Variants in TEX51 observed in about 807,000 individuals in gnomAD.
The protein encoded by TEX51 is testis expressed 51.
Under a neutral mutation model 8.0 loss-of-function variants are expected in TEX51, and 14 were observed. The ratio of observed to expected loss-of-function variants is 1.76; its 90% CI spans 1.16 to 2.75. The LOEUF (loss-of-function observed/expected upper bound fraction) is 2.75. Ranked by LOEUF, TEX51 falls within the 30% of genes most tolerant of loss-of-function variation. The pLI is 0.00. For synonymous variants in TEX51, 58 were observed against 28.6 expected, an observed-to-expected ratio of 2.03 and a Z score of -3.29; for missense variants, 142 against 77.4, an observed-to-expected ratio of 1.83 and a Z score of -3.13.
Position 126,899,507 on chromosome 2 carries a change from C to A in TEX51, c.221-16C>A, listed in dbSNP as rs897254692. 35 of 698,240 alleles carry A rather than the reference C, an allele frequency of 5.0e-5. No individual in the cohort carries two copies. The highest frequency in any genetic ancestry group is 2.9e-5 in the Non-Finnish European group (11 of 382,900). 43.3% of individuals were successfully genotyped at this position (698,240 alleles called of 1,614,324 possible). ...AGTTGTAACCCTGAACACCCCTTCC[C>A]TCCTGCTCTACCCAGATAAAACAGT... On this transcript the variant is annotated splice_polypyrimidine_tract_variant and intron_variant, in intron 2 of 6. Coordinates refer to ENST00000568484, the MANE Select transcript of TEX51 (RefSeq NM_001322244.2).
Position 126,901,381 on chromosome 2 carries a change from C to A in TEX51, c.480C>A (p.Gly160=), listed in dbSNP as rs766988617. 49 of 702,166 alleles carry A rather than the reference C, an allele frequency of 7.0e-5. No homozygotes were observed. The South Asian group carries it at 7.1e-4, about 10-fold the overall frequency. The allele number at this position is 702,166 out of a possible 1,614,324, so 43.5% of individuals were successfully genotyped here. A position where few individuals can be genotyped will look rare whatever the true frequency, so the allele number is the denominator to read the frequency against. Residue 160 remains glycine (G), a synonymous_variant, in exon 6 of 7, where the codon GGC becomes GGA. Transcript: ENST00000568484. ...TTGGCCCAGATGTTTCTTTTACTGGCAAAGGAAGAAGGAGGCAGTAAAGGT... is the reference window on the plus strand; with the variant it reads ...TTGGCCCAGATGTTTCTTTTACTGGAAAAGGAAGAAGGAGGCAGTAAAGGT... ...LAIAGDVSFT[G]KGRRRQ
At position 126,901,973 on chromosome 2, in the gene TEX51, T is replaced by G; in HGVS notation, c.*104T>G. ...GGGTCCCGGTGACCCCATCCCCCCA[T>G]ACCCTCCATCCTGGGTCCTGGGGCC... is the stretch of plus-strand genomic sequence containing the variant. On this transcript the variant is annotated 3_prime_UTR_variant, in exon 7 of 7. Coordinates refer to ENST00000568484, the MANE Select transcript of TEX51 (RefSeq NM_001322244.2). 4.7e-6 allele frequency: 3 copies of G among 639,446 alleles called. No individual in the cohort carries two copies. The highest frequency in any genetic ancestry group is 8.5e-6 in the Non-Finnish European group (3 of 354,164). 39.6% of individuals were successfully genotyped at this position (639,446 alleles called of 1,614,324 possible).
At chr2:126,899,852 T>C (rs1417357087) in intron 3 of TEX51, 84 bp from the exon 4 acceptor site, 1 of 702,208 alleles carries the variant, frequency 1.4e-6, no homozygotes, top group Admixed American at 2.0e-5. Context: ...ATGAGTCCTG[T>C]GGTGAGTATG....
rs1292248888 is a variant in TEX51, at chr2:126,899,620, G to A, written c.310+8G>A. 2 of 700,934 alleles carry A rather than the reference G, an allele frequency of 2.9e-6. No homozygotes were observed. The highest frequency in any genetic ancestry group is 1.5e-5 in the South Asian group (1 of 67,284). 43.4% of individuals were successfully genotyped at this position (700,934 alleles called of 1,614,324 possible). On this transcript the variant is annotated splice_region_variant and intron_variant, in intron 3 of 6. Transcript: ENST00000568484. ...ATGGGCTGAAGGAGAAGGGTAAGGGGTGGGGACGATCCCTGCACACGGCCC... is the reference window on the plus strand; with the variant it reads ...ATGGGCTGAAGGAGAAGGGTAAGGGATGGGGACGATCCCTGCACACGGCCC...
Position 126,901,275 on chromosome 2 carries a change from G to A in TEX51, c.460G>A (p.Gly154Arg), listed in dbSNP as rs1040662468. The A allele has an allele frequency of 8.6e-6, 6 of 699,356 alleles. No individual in the cohort carries two copies. Among genetic ancestry groups the A allele is most frequent in the Admixed American group, 2.0e-5 (1 of 49,826 alleles). 43.3% of individuals were successfully genotyped at this position (699,356 alleles called of 1,614,324 possible). A position where few individuals can be genotyped will look rare whatever the true frequency, so the allele number is the denominator to read the frequency against. The change falls in exon 5 of 7, where the codon GGA (glycine) becomes AGA (arginine). Residue 154 changes from glycine (G) to arginine (R), a missense_variant. By Grantham distance (125) the Gly-to-Arg change is moderately radical. Transcript: ENST00000568484. ...LSSALLLAIA[G>R]DVSFTGKGRR... ...CAGTGCTCTACTCCTGGCCATAGCT[G>A]GAGGTGGGTGAGTGACCTCTCCAAG... is the stretch of plus-strand genomic sequence containing the variant.
chr2:126,898,897 C>A lies in TEX51; in HGVS notation c.-22C>A. ...GGAACTTCCAGGCAGGGCACTGGGG[C>A]ACAGTAGGAGGAACCCAGAAGATGC... On this transcript the variant is annotated 5_prime_UTR_variant, in exon 1 of 7. Coordinates refer to ENST00000568484, the MANE Select transcript of TEX51 (RefSeq NM_001322244.2). 1.4e-6 allele frequency: 1 copy of A among 691,684 alleles called. No homozygotes were observed. The highest frequency in any genetic ancestry group is 2.6e-6 in the Non-Finnish European group (1 of 378,080). The allele number at this position is 691,684 out of a possible 1,614,324, so 42.8% of individuals were successfully genotyped here.
At chr2:126,900,549 G>A (rs1680276203) in intron 4 of TEX51, among the ~76,000 whole-genome samples, 1 of 152,008 alleles carries the variant, frequency 6.6e-6, no homozygotes, top group South Asian at 2.1e-4. Context: ...ACTTAGCACG[G>A]AGAATCACCA....
At chr2:126,901,591 T>C (rs1304014218) in intron 6 of TEX51, 187 bp downstream of exon 6, 5 of 602,948 alleles carry the variant, frequency 8.3e-6, no homozygotes, top group South Asian at 4.0e-5. Context: ...TGCAGACATA[T>C]TGGGGCCAGG....
At chr2:126,899,802 C>T (rs796220220) in intron 3 of TEX51, 134 bp from the exon 4 acceptor site, 2 of 702,114 alleles carry the variant, frequency 2.8e-6, no homozygotes, top group South Asian at 3.0e-5. Flanking sequence ...TCCCCAGCAC[C>T]TCAGTTTCTC....
chr2:126,899,916 CT>C lies in TEX51; in HGVS notation c.311-19del. ...AAAGGCACCTGGCACCCCCTAGCCC[CT>C]GTCCCTCCCCTCCCATAGACATACA... On this transcript the variant is annotated intron_variant, in intron 3 of 6. Transcript: ENST00000568484. 1.4e-6 allele frequency: 1 copy of C among 702,222 alleles called. No individual in the cohort carries two copies. Among genetic ancestry groups the C allele is most frequent in the Non-Finnish European group, 2.6e-6 (1 of 384,810 alleles). The allele number at this position is 702,222 out of a possible 1,614,324, so 43.5% of individuals were successfully genotyped here.
intron 4 of TEX51, 26 bp from the exon 5 acceptor site, chr2:126,901,184 A>C: frequency 3.2e-6 from 2 of 619,120 alleles, no homozygotes; most frequent in East Asian, 2.7e-5. Flanking sequence ...GCCTCCAAAC[A>C]CCTGGCTTCC....
intron 6 of TEX51, 120 bp from the exon 7 acceptor site, chr2:126,901,752 C>T: frequency 1.7e-6 from 1 of 573,042 alleles, no homozygotes; most frequent in East Asian, 2.9e-5. Context: ...GCTGCCTTGC[C>T]CTCTGCTCTG....
In TEX51 at chr2:126,901,207, C is replaced by T; in HGVS notation, c.395-3C>T. The T allele has an allele frequency of 1.5e-6, 1 of 645,368 alleles. No homozygotes were observed. The highest frequency in any genetic ancestry group is 2.8e-6 in the Non-Finnish European group (1 of 353,244). 40.0% of individuals were successfully genotyped at this position (645,368 alleles called of 1,614,324 possible). On this transcript the variant is annotated splice_region_variant and splice_polypyrimidine_tract_variant and intron_variant, in intron 4 of 6. Coordinates refer to ENST00000568484, the MANE Select transcript of TEX51 (RefSeq NM_001322244.2). ...ACACCTGGCTTCCTCTTTCACACCCCAGCCAGGAACCGGCGGACCTCCCTG... is the reference window on the plus strand; with the variant it reads ...ACACCTGGCTTCCTCTTTCACACCCTAGCCAGGAACCGGCGGACCTCCCTG...
In TEX51 at chr2:126,898,926, C is replaced by A. The variant is rs373850821; in HGVS notation, c.8C>A (p.Pro3His). 1.4e-4 allele frequency: 98 copies of A among 699,976 alleles called. 1 individual carries two copies. The highest frequency in any genetic ancestry group is 1.3e-3 in the South Asian group (86 of 67,492). The allele number at this position is 699,976 out of a possible 1,614,324, so 43.4% of individuals were successfully genotyped here. ...GTAGGAGGAACCCAGAAGATGCTGC[C>A]TCTCCTGATCATCTGTCTCCTGCCT... is the stretch of plus-strand genomic sequence containing the variant. MLPLLIICLLPAI... is the reference protein window; with the variant it reads MLHLLIICLLPAI... The change falls in exon 1 of 7, where the codon CCT becomes CAT. Residue 3 changes from proline (P) to histidine (H), a missense_variant. Coordinates refer to ENST00000568484, the MANE Select transcript of TEX51 (RefSeq NM_001322244.2).
chr2:126,898,977 G>C lies in TEX51; in HGVS notation c.59G>C (p.Arg20Pro), dbSNP rs780796841. Residue 20 changes from arginine to proline, a missense_variant, in exon 1 of 7, where the codon CGC becomes CCC. Transcript: ENST00000568484. ...LPAIEGKNCLRCWPELSALID... is the reference protein window; with the variant it reads ...LPAIEGKNCLPCWPELSALID... ...GCCATTGAAGGGAAGAACTGCCTCC[G>C]CTGCTGGCCAGAACTGTCTGCCTTG... 2 of 701,700 alleles carry C rather than the reference G, an allele frequency of 2.9e-6. No homozygotes were observed. The highest frequency in any genetic ancestry group is 5.2e-6 in the Non-Finnish European group (2 of 384,814). The allele number at this position is 701,700 out of a possible 1,614,324, so 43.5% of individuals were successfully genotyped here.
chr2:126,900,848 C>G (rs891923470), intron 4 of TEX51, among the ~76,000 whole-genome samples: 1 of 152,224 alleles, frequency 6.6e-6, no homozygotes, highest in Non-Finnish European at 1.5e-5. Context: ...TACCTCTATC[C>G]TTGAGCGTGT....
chr2:126,900,474 C>T (rs1558746790), intron 4 of TEX51, among the ~76,000 whole-genome samples: 1 of 151,984 alleles, frequency 6.6e-6, no homozygotes, highest in Non-Finnish European at 1.5e-5. Flanking sequence ...GTTCTTCCTC[C>T]AGGGCCGTTC....
At chr2:126,900,774 A>C (rs1680288339) in intron 4 of TEX51, among the ~76,000 whole-genome samples, 1 of 152,080 alleles carries the variant, frequency 6.6e-6, no homozygotes. Context: ...GCCCCTAGAG[A>C]AAGCCCACCC....
In TEX51 at chr2:126,901,877, G is replaced by C. The variant is rs1014465152; in HGVS notation, c.*8G>C. 11 of 635,850 alleles carry C rather than the reference G, an allele frequency of 1.7e-5. No individual in the cohort carries two copies. Among genetic ancestry groups the C allele is most frequent in the Non-Finnish European group, 2.8e-5 (10 of 354,538 alleles). The allele number at this position is 635,850 out of a possible 1,614,324, so 39.4% of individuals were successfully genotyped here. ...AGCTTCTTCTCCCTCAGCAGGAACA[G>C]GGCAGCCCGCATGTCTTCCAGAAGT... On this transcript the variant is annotated 3_prime_UTR_variant, in exon 7 of 7. Transcript: ENST00000568484.
Sources: gnomAD v4.1 joint callset for allele counts (sites outside exome capture counted in the v4.1 genomes callset) on GRCh38, gnomAD v4.1.1 for gene constraint, MANE v1.5 for transcripts, NCBI Gene and HGNC (gene_info 2026-07-23, HGNC 2026-07-21) for gene names.